The following MACF1 variants were observed in gnomAD, a reference collection of about 807,000 sequenced individuals.
The protein encoded by MACF1 is microtubule-actin cross-linking factor 1.
A neutral mutation model predicts 854.8 loss-of-function variants in MACF1; 193 were observed. The observed-to-expected ratio is 0.23, with a 90% CI of 0.20 to 0.25. The LOEUF is 0.25. Among genes scored for constraint, MACF1 ranks in the 10% least tolerant of loss-of-function variants. The pLI, the probability that MACF1 is intolerant of heterozygous loss-of-function variation, is 1.00. For synonymous variants in MACF1, 3,185 were observed against 3,226.7 expected (o/e 0.99, Z 0.44); for missense variants, 7,722 against 8,929.1 (o/e 0.86, Z 5.45).
intron 1 of MACF1, among the ~76,000 whole-genome samples, chr1:39,214,046 G>A (rs551855321): frequency 9.2e-5 from 14 of 152,274 alleles, no homozygotes; most frequent in South Asian, 8.3e-4. Flanking sequence ...ATTTGTAGTC[G>A]TTTGGGCTAA....
In MACF1 at chr1:39,360,032, TATATATATATATATATATATAC is replaced by T. The variant is rs1389077038; in HGVS notation, c.12245-759_12245-738del. On this transcript the variant is annotated intron_variant, in intron 47 of 100. Coordinates refer to ENST00000564288, the MANE Select transcript of MACF1 (RefSeq NM_001394062.1). ...AAAAAAATATATATATATATATATA[TATATATATATATATATATATAC>T]ACACACACACACACACATATGTATA... 3.0e-3 allele frequency among the ~76,000 whole-genome samples: 234 copies of T among 78,912 alleles called. 7 individuals are homozygous for T. Among genetic ancestry groups the T allele is most frequent in the East Asian group, 0.028 (80 of 2,834 alleles). The allele number at this position is 78,912 out of a possible 152,430, so 51.8% of individuals were successfully genotyped here.
In MACF1 at chr1:39,460,602, ATCT is replaced by A. The variant is rs756653709; in HGVS notation, c.21361-28_21361-26del. On this transcript the variant is annotated intron_variant, in intron 91 of 100. Transcript: ENST00000564288. This position sits in a 1 kb window ranked among gnomAD's most constrained non-coding sequence, Gnocchi z 4.1. ...CAGCTTTTGAGGGCCCAAAAAATAA[ATCT>A]TATTGACACTTCTGATTTCTGTGTA... 2 of 1,611,496 alleles carry A rather than the reference ATCT, an allele frequency of 1.2e-6. No individual in the cohort carries two copies. The highest frequency in any genetic ancestry group is 2.2e-5 in the South Asian group (2 of 91,026).
At chr1:39,270,982 A>G (rs1645306954) in intron 6 of MACF1, among the ~76,000 whole-genome samples, 1 of 152,174 alleles carries the variant, frequency 6.6e-6, no homozygotes, top group African/African-American at 2.4e-5. Context: ...GTGGCCATTG[A>G]AAAAATATCT....
Position 39,465,045 on chromosome 1 carries a change from CT to C in MACF1, c.21754-41del, listed in dbSNP as rs566778389. On this transcript the variant is annotated intron_variant, in intron 94 of 100. Transcript: ENST00000564288. The stretch of plus-strand genomic sequence containing the variant: ...TAGTGTTAATTTGACAAAATGTTCT[CT>C]TTTTTTTTCCCCTCCTTTCCTCCAT... 7.3e-4 allele frequency: 1,110 copies of C among 1,527,420 alleles called. 1 individual carries two copies. The highest frequency in any genetic ancestry group is 8.9e-4 in the Non-Finnish European group (980 of 1,106,286). 94.6% of individuals were successfully genotyped at this position (1,527,420 alleles called of 1,614,324 possible).
chr1:39,232,364 C>A (rs1644788095), intron 2 of MACF1, among the ~76,000 whole-genome samples: 2 of 152,226 alleles, frequency 1.3e-5, no homozygotes, highest in African/African-American at 4.8e-5. Context: ...TATTTGATTT[C>A]TCTGTAGCAT....
At position 39,287,268 on chromosome 1, in the gene MACF1, T is replaced by G; in HGVS notation, c.1509-18T>G. On this transcript the variant is annotated intron_variant, in intron 14 of 100. Coordinates refer to ENST00000564288, the MANE Select transcript of MACF1 (RefSeq NM_001394062.1). Reference sequence around the variant, plus strand: ...TATAGATTTAAATCCTTTCCTTTTTTCTCTTCTTCCATTTCAGGGTCATGC... The same window carrying G: ...TATAGATTTAAATCCTTTCCTTTTTGCTCTTCTTCCATTTCAGGGTCATGC... 6.2e-7 allele frequency: 1 copy of G among 1,608,192 alleles called. No homozygotes were observed. Among genetic ancestry groups the G allele is most frequent in the Non-Finnish European group, 8.5e-7 (1 of 1,176,292 alleles).
At chr1:39,402,277 T>C (rs1163570185) in intron 58 of MACF1, among the ~76,000 whole-genome samples, 1 of 152,098 alleles carries the variant, frequency 6.6e-6, no homozygotes, top group Non-Finnish European at 1.5e-5. Context: ...TTTGTGATGA[T>C]CATGCCACTC....
intron 2 of MACF1, among the ~76,000 whole-genome samples, chr1:39,146,595 C>T (rs1419792632): frequency 6.6e-6 from 1 of 151,770 alleles, no homozygotes; most frequent in Non-Finnish European, 1.5e-5. Context: ...AAGCCAGGCA[C>T]AGAATGACAA....
At chr1:39,085,241 G>C (rs1475686112) in intron 2 of MACF1, among the ~76,000 whole-genome samples, 1 of 152,258 alleles carries the variant, frequency 6.6e-6, no homozygotes, top group Non-Finnish European at 1.5e-5. Flanking sequence ...TTGAAGGTTA[G>C]ATGAAATAAT....
chr1:39,480,832 C>CTATA lies in MACF1; in HGVS notation c.22171-85_22171-84insATAT, dbSNP rs374803267. On this transcript the variant is annotated intron_variant, in intron 98 of 100. Coordinates refer to ENST00000564288, the MANE Select transcript of MACF1 (RefSeq NM_001394062.1). ...CTGTTTCTTTAAAATTTAGTATCTT[C>CTATA]TATTTATTTTTTTCTGTTCCCAATG... 2.5e-4 allele frequency: 172 copies of CTATA among 693,766 alleles called. No homozygotes were observed. In the African/African-American group the frequency reaches 2.9e-3, roughly 12 times the overall value. The allele number at this position is 693,766 out of a possible 1,614,324, so 43.0% of individuals were successfully genotyped here.
chr1:39,386,689 C>G (rs1641808385), intron 57 of MACF1, among the ~76,000 whole-genome samples: 1 of 152,154 alleles, frequency 6.6e-6, no homozygotes, highest in Non-Finnish European at 1.5e-5. Flanking sequence ...CTTGGCCTCC[C>G]AAAGTGCTGG....
At chr1:39,244,991 G>T (rs1023931836) in intron 2 of MACF1, among the ~76,000 whole-genome samples, 1 of 152,166 alleles carries the variant, frequency 6.6e-6, no homozygotes, top group Admixed American at 6.5e-5. Context: ...GGGATTACAG[G>T]CATGAGCCAC....
chr1:39,248,505 T>G (rs1020494871), intron 2 of MACF1, among the ~76,000 whole-genome samples: 1 of 151,858 alleles, frequency 6.6e-6, no homozygotes, highest in Non-Finnish European at 1.5e-5. Flanking sequence ...GCACCTGGCC[T>G]CCTGCTCTAC....
At chr1:39,094,255 G>C (rs1182021162) in intron 2 of MACF1, among the ~76,000 whole-genome samples, 4 of 151,932 alleles carry the variant, frequency 2.6e-5, no homozygotes, top group African/African-American at 9.7e-5. Context: ...GACCAGCCTG[G>C]ATAATATAGT....
chr1:39,315,558 G>A lies in MACF1; in HGVS notation c.3316G>A (p.Val1106Ile), dbSNP rs906883252. The A allele has an allele frequency of 6.2e-7, 1 of 1,614,156 alleles. No homozygotes were observed. The change falls in exon 27 of 101, where the codon GTT (valine) becomes ATT (isoleucine). Residue 1106 changes from valine to isoleucine, a missense_variant. Physicochemically the swap from Val to Ile is conservative, Grantham distance 29. Coordinates refer to ENST00000564288, the MANE Select transcript of MACF1 (RefSeq NM_001394062.1). ...LQQLRSDLDA[V>I]SMKCDSFLHQ... The stretch of plus-strand genomic sequence containing the variant: ...GCAATTGAGGTCAGACTTGGATGCA[G>A]TTTCTATGAAATGTGACAGCTTTCT...
intron 1 of MACF1, among the ~76,000 whole-genome samples, chr1:39,208,634 T>A (rs192361101): frequency 3.3e-4 from 50 of 152,074 alleles, no homozygotes; most frequent in Admixed American, 2.3e-3. Context: ...TTTATTTATT[T>A]ATTTTTTTGA....
intron 49 of MACF1, among the ~76,000 whole-genome samples, chr1:39,362,263 C>T (rs1648255162): frequency 6.6e-6 from 1 of 152,216 alleles, no homozygotes; most frequent in African/African-American, 2.4e-5. Flanking sequence ...CACACATTCC[C>T]ACCTGTAGTA....
At chr1:39,321,014 T>G (rs561688823) in intron 31 of MACF1, among the ~76,000 whole-genome samples, 1 of 152,334 alleles carries the variant, frequency 6.6e-6, no homozygotes, top group South Asian at 2.1e-4. Context: ...ATTTATTTGT[T>G]TATTCTGTGA....
intron 2 of MACF1, among the ~76,000 whole-genome samples, chr1:39,112,738 TC>T (rs1642444347): frequency 6.6e-6 from 1 of 152,266 alleles, no homozygotes; most frequent in East Asian, 1.9e-4. Flanking sequence ...TAATTCTTTT[TC>T]AAGGCAAATC....
Sources: gnomAD v4.1 joint callset for allele counts (sites outside exome capture counted in the v4.1 genomes callset) on GRCh38, gnomAD v4.1.1 for gene constraint, Gnocchi (gnomAD v3.1) non-coding constraint, MANE v1.5 for transcripts, NCBI Gene and HGNC (gene_info 2026-07-23, HGNC 2026-07-21) for gene names.